Variants in POC1B observed in about 807,000 individuals in gnomAD.
POC1B encodes the protein POC1 centriolar protein homolog B.
In POC1B, 44 loss-of-function variants were observed where a neutral mutation model predicts 60.6. The ratio of observed to expected loss-of-function variants is 0.73; its 90% confidence interval spans 0.57 to 0.93. POC1B has a LOEUF of 0.93. POC1B is among the 40% of genes least tolerant of loss of function. POC1B has a pLI of 0.00. For synonymous variants in POC1B, 180 were observed against 198.9 expected (o/e 0.90, Z 0.80); for missense variants, 555 against 572.3 (o/e 0.97, Z 0.31).
chr12:89,478,198 C>T (rs1883193052), intron 4 of POC1B, among the ~76,000 whole-genome samples: 1 of 152,208 alleles, frequency 6.6e-6, no homozygotes, highest in Admixed American at 6.5e-5. Context: ...CGACCTCCGC[C>T]TCCTGGGTTC....
In POC1B at chr12:89,505,832, C is replaced by T. The variant is rs79585397; in HGVS notation, c.101-8490G>A. Reference sequence around the variant, plus strand: ...ATCTATTAGGAGGCTACTGCAATCACGCAGTCAGGAGAAAGCAGTGGTCTG... The same window carrying T: ...ATCTATTAGGAGGCTACTGCAATCATGCAGTCAGGAGAAAGCAGTGGTCTG... On this transcript the variant is annotated intron_variant, in intron 2 of 11. Transcript: ENST00000313546. Among the ~76,000 whole-genome samples the T allele has an allele frequency of 5.2e-3, 792 of 152,254 alleles. 10 individuals carry two copies. The highest frequency in any genetic ancestry group is 0.018 in the African/African-American group (735 of 41,544).
chr12:89,422,646 A>T (rs902976770), intron 11 of POC1B, among the ~76,000 whole-genome samples: 3 of 152,228 alleles, frequency 2.0e-5, no homozygotes, highest in Non-Finnish European at 4.4e-5. Context: ...CTCAATGTCT[A>T]TATCTATTAA....
At chr12:89,490,524 T>C (rs886831553) in intron 4 of POC1B, among the ~76,000 whole-genome samples, 1 of 152,176 alleles carries the variant, frequency 6.6e-6, no homozygotes, top group African/African-American at 2.4e-5. Flanking sequence ...TTTGTATTTT[T>C]AGTAGAGACA....
intron 10 of POC1B, among the ~76,000 whole-genome samples, chr12:89,447,914 A>G (rs947965431): frequency 6.6e-6 from 1 of 152,042 alleles, no homozygotes; most frequent in Non-Finnish European, 1.5e-5. Flanking sequence ...AGGCAAACTG[A>G]GTCTGAGGAG....
At chr12:89,523,203 G>A in intron 2 of POC1B, 1 of 1,613,936 alleles carries the variant, frequency 6.2e-7, no homozygotes. Context: ...TCCCTCTACT[G>A]CGAATAGCCC....
chr12:89,459,680 A>G lies in POC1B; in HGVS notation c.1071T>C (p.Ser357=). Residue 357 remains serine, a synonymous_variant, in exon 10 of 12, where the codon TCT becomes TCC. Transcript: ENST00000313546. ...PKLEVIDLQI[S]TPPVMDILSF... is the part of the protein sequence containing the mutation. ...AAAGGATATCCATAACAGGGGGAGT[A>G]GAGATCTGCAAATCGATTACCTCAA... 2 of 1,540,778 alleles carry G rather than the reference A, an allele frequency of 1.3e-6. No individual in the cohort carries two copies. The highest frequency in any genetic ancestry group is 1.7e-6 in the Non-Finnish European group (2 of 1,143,266).
intron 2 of POC1B, among the ~76,000 whole-genome samples, chr12:89,513,309 A>G (rs1386024216): frequency 6.6e-6 from 1 of 152,142 alleles, no homozygotes; most frequent in Non-Finnish European, 1.5e-5. Context: ...CTGCAGGGAA[A>G]GTAACTAAAA....
Position 89,492,046 on chromosome 12 carries a change from G to A in POC1B, c.342C>T (p.Gly114=). Residue 114 remains glycine, a synonymous_variant, in exon 4 of 12, where the codon GGC becomes GGT. Transcript: ENST00000313546. Reference sequence around the variant, plus strand: ...CTTCAGAAGCTGTAGCTAGAAACTGGCCATCAGCTGAAAAGTCTACACTTC... The same window carrying A: ...CTTCAGAAGCTGTAGCTAGAAACTGACCATCAGCTGAAAAGTCTACACTTC... ...PVRSVDFSAD[G]QFLATASEDK... 6.2e-7 allele frequency: 1 copy of A among 1,609,130 alleles called. No homozygotes were observed.
rs551500012 is a variant in POC1B, at chr12:89,506,525, C to T, written c.101-9183G>A. 1.2e-4 allele frequency among the ~76,000 whole-genome samples: 19 copies of T among 152,158 alleles called. No homozygotes were observed. The South Asian group carries it at 1.9e-3, about 15-fold the overall frequency. ...GAAGAGCAAAGGAAGGAGCCACAAA[C>T]GAAGTAGGAGAGGAACAAGGACATT... On this transcript the variant is annotated intron_variant, in intron 2 of 11. Transcript: ENST00000313546.
At chr12:89,459,908 A>G in intron 9 of POC1B, 190 bp from the exon 10 acceptor site, 1 of 501,266 alleles carries the variant, frequency 2.0e-6, no homozygotes, top group Non-Finnish European at 3.5e-6. Flanking sequence ...ATAAGAAAAG[A>G]TCATTTTGGT....
intron 7 of POC1B, among the ~76,000 whole-genome samples, chr12:89,468,479 AACAT>A (rs1882767730): frequency 6.6e-6 from 1 of 152,174 alleles, no homozygotes; most frequent in African/African-American, 2.4e-5. Flanking sequence ...TTTAGGGAAA[AACAT>A]CTTGTATTTT....
intron 10 of POC1B, among the ~76,000 whole-genome samples, chr12:89,431,938 G>A (rs1228272659): frequency 1.3e-5 from 2 of 152,200 alleles, no homozygotes; most frequent in Non-Finnish European, 2.9e-5. Flanking sequence ...TCTAGAGGCT[G>A]TCCACATTCC....
At chr12:89,516,756 A>G (rs1014484399) in intron 2 of POC1B, among the ~76,000 whole-genome samples, 2 of 152,090 alleles carry the variant, frequency 1.3e-5, no homozygotes, top group Admixed American at 6.5e-5. Context: ...ACTCTCTCCA[A>G]AGGCTCTAGG....
chr12:89,422,927 C>T (rs180855814), intron 11 of POC1B, among the ~76,000 whole-genome samples: 7 of 152,238 alleles, frequency 4.6e-5, no homozygotes, highest in Admixed American at 2.0e-4. Context: ...ATCTATAGAT[C>T]ATTACTAATG....
intron 4 of POC1B, among the ~76,000 whole-genome samples, chr12:89,478,802 A>C (rs1301160316): frequency 1.3e-5 from 2 of 152,194 alleles, no homozygotes; most frequent in Non-Finnish European, 2.9e-5. Flanking sequence ...CCTATCAACA[A>C]CTGAAAATTA....
chr12:89,514,398 A>ATTTTTTT (rs1592641848), intron 2 of POC1B, among the ~76,000 whole-genome samples: 3 of 37,842 alleles, frequency 7.9e-5, no homozygotes, highest in African/African-American at 2.9e-4. Context: ...AGTTTCATGT[A>ATTTTTTT]TTTCTTTTTT....
intron 10 of POC1B, among the ~76,000 whole-genome samples, chr12:89,456,875 C>T (rs991878492): frequency 6.6e-6 from 1 of 152,102 alleles, no homozygotes; most frequent in Non-Finnish European, 1.5e-5. Flanking sequence ...AATATTAAAT[C>T]AAGTGAAAGT....
chr12:89,423,596 C>G (rs1202482356), intron 11 of POC1B, among the ~76,000 whole-genome samples: 1 of 152,208 alleles, frequency 6.6e-6, no homozygotes, highest in Non-Finnish European at 1.5e-5. Flanking sequence ...ACGATAAACA[C>G]CGTCCAACTT....
intron 10 of POC1B, among the ~76,000 whole-genome samples, chr12:89,442,111 G>C (rs1592589053): frequency 6.6e-6 from 1 of 152,192 alleles, no homozygotes; most frequent in African/African-American, 2.4e-5. Context: ...TATGTGAAAA[G>C]ACCAAATCTA....
Sources: gnomAD v4.1 joint callset for allele counts (sites outside exome capture counted in the v4.1 genomes callset) on GRCh38, gnomAD v4.1.1 for gene constraint, MANE v1.5 for transcripts, NCBI Gene and HGNC (gene_info 2026-07-23, HGNC 2026-07-21) for gene names.